TYW1: variants seen among roughly 807,000 people sequenced by gnomAD.
The protein encoded by TYW1 is tRNA-yW synthesizing protein 1 homolog, also known as S-adenosyl-L-methionine-dependent tRNA 4-demethylwyosine synthase TYW1.
In TYW1, 46 loss-of-function variants were observed where a neutral mutation model predicts 96.2. That is an observed-to-expected ratio of 0.48 (90% confidence interval 0.38 to 0.61). The LOEUF (loss-of-function observed/expected upper bound fraction) is 0.61, where lower values mean the gene tolerates loss of function less well. Ranked by LOEUF, TYW1 falls within the 20% of genes least tolerant of loss-of-function variation. TYW1 has a pLI of 0.00. For synonymous variants in TYW1, 274 were observed against 323.0 expected (o/e 0.85, Z 1.63); for missense variants, 684 against 909.6 (o/e 0.75, Z 3.19).
intron 7 of TYW1, among the ~76,000 whole-genome samples, chr7:67,046,518 G>T (rs1037431419): frequency 6.6e-5 from 10 of 152,178 alleles, no homozygotes; most frequent in Middle Eastern, 6.8e-3. Flanking sequence ...CTGATTCTGG[G>T]ATCTTATTTA....
chr7:67,006,655 G>T (rs1793602775), intron 3 of TYW1, among the ~76,000 whole-genome samples: 1 of 151,762 alleles, frequency 6.6e-6, no homozygotes, highest in East Asian at 1.9e-4. Context: ...GCCCAGGCTG[G>T]TCTCGATCTC....
At chr7:67,165,787 A>C (rs953733688) in intron 13 of TYW1, among the ~76,000 whole-genome samples, 35 of 152,130 alleles carry the variant, frequency 2.3e-4, no homozygotes, top group Non-Finnish European at 4.6e-4. Flanking sequence ...AAAATTAGCC[A>C]GGTGCGGTGG....
chr7:67,022,911 A>C (rs1341990959), intron 6 of TYW1, among the ~76,000 whole-genome samples: 1 of 152,182 alleles, frequency 6.6e-6, no homozygotes, highest in South Asian at 2.1e-4. Context: ...GGAGAGCGTA[A>C]GATCGTCCGT....
intron 15 of TYW1, among the ~76,000 whole-genome samples, chr7:67,212,260 CTTT>C (rs3071734): frequency 0.12 from 16,747 of 144,554 alleles, 1,051 homozygotes; most frequent in African/African-American, 0.15. Context: ...TTTTTTTAAC[CTTT>C]TTTTTTTTTA....
At position 67,199,965 on chromosome 7, in the gene TYW1, A is replaced by G. The variant is rs184853716; in HGVS notation, c.1977+4628A>G. On this transcript the variant is annotated intron_variant, in intron 15 of 15. Coordinates refer to ENST00000359626, the MANE Select transcript of TYW1 (RefSeq NM_018264.4). ...GGAGGGAGGATGGAAGGAAAGAAGG[A>G]AGGAAAAAGAAGAAAGAAAGAACTT... Among the ~76,000 whole-genome samples the G allele has an allele frequency of 2.2e-3, 341 of 152,290 alleles. 1 individual carries two copies. The highest frequency in any genetic ancestry group is 3.7e-3 in the Non-Finnish European group (253 of 68,026).
At chr7:67,098,994 C>A (rs1256684069) in intron 12 of TYW1, among the ~76,000 whole-genome samples, 3 of 151,452 alleles carry the variant, frequency 2.0e-5, no homozygotes, top group Non-Finnish European at 4.4e-5. Flanking sequence ...GTAAAACTTA[C>A]CAGAGAAGCT....
chr7:67,106,443 C>T (rs1471987538), intron 12 of TYW1, among the ~76,000 whole-genome samples: 2 of 136,104 alleles, frequency 1.5e-5, no homozygotes, highest in Non-Finnish European at 3.1e-5. Flanking sequence ...TTATATATAG[C>T]TCCACGCTGT....
intron 15 of TYW1, among the ~76,000 whole-genome samples, chr7:67,201,536 T>C (rs1416551675): frequency 6.7e-6 from 1 of 149,922 alleles, no homozygotes; most frequent in Non-Finnish European, 1.5e-5. Flanking sequence ...ACCTGGGAAA[T>C]GAGTGATTGT....
At chr7:67,088,809 A>G (rs1796624472) in intron 11 of TYW1, among the ~76,000 whole-genome samples, 1 of 152,182 alleles carries the variant, frequency 6.6e-6, no homozygotes, top group South Asian at 2.1e-4. Context: ...GGCTCAAGCA[A>G]TCCTTCAGTC....
intron 7 of TYW1, among the ~76,000 whole-genome samples, chr7:67,034,159 A>C (rs1036022566): frequency 2.0e-5 from 3 of 148,862 alleles, no homozygotes; most frequent in Non-Finnish European, 4.4e-5. Context: ...GCCGGAGTGC[A>C]GTGATGCGAT....
intron 9 of TYW1, among the ~76,000 whole-genome samples, chr7:67,060,515 C>G (rs1350049776): frequency 6.6e-5 from 10 of 152,240 alleles, no homozygotes; most frequent in African/African-American, 2.2e-4. Flanking sequence ...TAGAAGAGAC[C>G]TGCTGTAACC....
chr7:67,177,440 A>G (rs1478402737), intron 13 of TYW1, among the ~76,000 whole-genome samples: 1 of 152,098 alleles, frequency 6.6e-6, no homozygotes, highest in African/African-American at 2.4e-5. Flanking sequence ...CATAAAGTGG[A>G]TGAAATTATT....
At chr7:67,059,198 C>T (rs567021051) in intron 9 of TYW1, among the ~76,000 whole-genome samples, 5 of 148,958 alleles carry the variant, frequency 3.4e-5, no homozygotes, top group Non-Finnish European at 5.9e-5. Context: ...CTCCCAGGTT[C>T]ACACCATTCT....
At chr7:67,019,098 C>A (rs1054920019) in intron 6 of TYW1, among the ~76,000 whole-genome samples, 1 of 152,042 alleles carries the variant, frequency 6.6e-6, no homozygotes, top group Non-Finnish European at 1.5e-5. Context: ...GGCCAAACCC[C>A]AAGCCAGGCT....
intron 15 of TYW1, among the ~76,000 whole-genome samples, chr7:67,197,319 C>A (rs1800427458): frequency 1.4e-5 from 2 of 142,136 alleles, no homozygotes; most frequent in African/African-American, 5.3e-5. Flanking sequence ...ACTATCGAGA[C>A]CTCTGTCTTT....
At chr7:67,164,013 C>G (rs1584640566) in intron 13 of TYW1, among the ~76,000 whole-genome samples, 1 of 152,200 alleles carries the variant, frequency 6.6e-6, no homozygotes, top group East Asian at 1.9e-4. Flanking sequence ...TAGCGGAGAT[C>G]AGGCATATCA....
chr7:67,178,684 A>G (rs1391777318), intron 13 of TYW1, among the ~76,000 whole-genome samples: 3 of 152,120 alleles, frequency 2.0e-5, no homozygotes, highest in African/African-American at 4.8e-5. Context: ...CAAACACAAA[A>G]TAATGTATGA....
intron 10 of TYW1, among the ~76,000 whole-genome samples, chr7:67,076,480 AT>A (rs879917948): frequency 0.015 from 2,117 of 140,940 alleles, 19 homozygotes; most frequent in Non-Finnish European, 0.023. Flanking sequence ...TGGTATGTGA[AT>A]TTTTTTTTTT....
chr7:67,199,470 C>T lies in TYW1; in HGVS notation c.1977+4133C>T, dbSNP rs1001188995. ...GGTACCTTAAGACAATGCAGTATCT[C>T]GCTTCTTACCAAAATTTCCCCATTG... On this transcript the variant is annotated intron_variant, in intron 15 of 15. Transcript: ENST00000359626. Among the ~76,000 whole-genome samples the T allele has an allele frequency of 3.3e-5, 5 of 152,112 alleles. No homozygotes were observed. The East Asian group carries it at 5.8e-4, about 18-fold the overall frequency.
Sources: allele counts gnomAD v4.1 joint callset (sites outside exome capture counted in the v4.1 genomes callset), GRCh38; gene constraint gnomAD v4.1.1; transcripts MANE v1.5; gene names NCBI Gene and HGNC (gene_info 2026-07-23, HGNC 2026-07-21).